Variants in P2RY2 observed in about 807,000 individuals in gnomAD.
P2RY2 encodes the protein purinergic receptor P2Y2, also known as P2Y purinoceptor 2.
For missense variants in P2RY2, 567 were observed against 515.7 expected (o/e 1.10, Z -0.96); for synonymous variants, 241 against 231.9 (o/e 1.04, Z -0.35).
At position 73,235,094 on chromosome 11, in the gene P2RY2, G is replaced by A; in HGVS notation, c.935G>A (p.Arg312Lys). The change falls in exon 3 of 3, where the codon AGG becomes AAG. Residue 312 changes from arginine (R) to lysine (K), a missense_variant. Transcript: ENST00000393597. ...GTGCTCTACTTCCTGGCTGGGCAGA[G>A]GCTCGTACGCTTTGCCCGAGATGCC... ...DPVLYFLAGQ[R>K]LVRFARDAKP... 2 of 1,607,632 alleles carry A rather than the reference G, an allele frequency of 1.2e-6. No homozygotes were observed. The highest frequency in any genetic ancestry group is 1.7e-6 in the Non-Finnish European group (2 of 1,179,030).
intron 2 of P2RY2, among the ~76,000 whole-genome samples, chr11:73,233,285 A>G (rs7934507): frequency 0.012 from 1,847 of 152,342 alleles, 32 homozygotes; most frequent in African/African-American, 0.042. Context: ...AGGAAGATGT[A>G]AAAAGTGAAG....
At position 73,234,328 on chromosome 11, in the gene P2RY2, ATCT is replaced by A; in HGVS notation, c.174_176del (p.Phe58del). Reference sequence around the variant, plus strand: ...GTGTCTGAACGCCGTGGCGCTCTACATCTTCTTGTGCCGCCTCAAGACCTGGAA... The same window carrying A: ...GTGTCTGAACGCCGTGGCGCTCTACATCTTGTGCCGCCTCAAGACCTGGAA... On this transcript the variant is annotated inframe_deletion, in exon 3 of 3. Coordinates refer to ENST00000393597, the MANE Select transcript of P2RY2 (RefSeq NM_002564.4). The A allele has an allele frequency of 6.2e-7, 1 of 1,613,786 alleles. No homozygotes were observed. Among genetic ancestry groups the A allele is most frequent in the Non-Finnish European group, 8.5e-7 (1 of 1,179,784 alleles).
rs1862674837 is a variant in P2RY2, at chr11:73,237,202, C to T, written c.*1909C>T. Reference sequence around the variant, plus strand: ...ATAGTGTGAGCTATTCACCTCTCACCTTCTAGGTTCTATACTTCTGTTAAT... The same window carrying T: ...ATAGTGTGAGCTATTCACCTCTCACTTTCTAGGTTCTATACTTCTGTTAAT... On this transcript the variant is annotated 3_prime_UTR_variant, in exon 3 of 3. Coordinates refer to ENST00000393597, the MANE Select transcript of P2RY2 (RefSeq NM_002564.4). 1.4e-6 allele frequency: 1 copy of T among 719,768 alleles called. No homozygotes were observed. Among genetic ancestry groups the T allele is most frequent in the Non-Finnish European group, 1.7e-6 (1 of 587,474 alleles). The allele number at this position is 719,768 out of a possible 1,614,324, so 44.6% of individuals were successfully genotyped here. A position where few individuals can be genotyped will look rare whatever the true frequency, so the allele number is the denominator to read the frequency against.
At position 73,223,500 on chromosome 11, in the gene P2RY2, C is replaced by T. The variant is rs944050830; in HGVS notation, c.-199-4481C>T. ...ATTAGGACAGTTCATGATTTGCTAGCGCCAAGGTGCACCCACCTGCCCCCT... is the reference window on the plus strand; with the variant it reads ...ATTAGGACAGTTCATGATTTGCTAGTGCCAAGGTGCACCCACCTGCCCCCT... On this transcript the variant is annotated intron_variant, in intron 1 of 2. Transcript: ENST00000393597. 1.7e-3 allele frequency among the ~76,000 whole-genome samples: 252 copies of T among 152,246 alleles called. 3 individuals are homozygous for T. The highest frequency in any genetic ancestry group is 1.5e-3 in the South Asian group (7 of 4,818).
intron 1 of P2RY2, 54 bp from the exon 2 acceptor site, chr11:73,227,927 G>C (rs1862326220): frequency 6.6e-6 from 1 of 152,180 alleles, no homozygotes; most frequent in African/African-American, 2.4e-5. Flanking sequence ...GATTGACCTG[G>C]GTAGGTTTCC....
chr11:73,228,636 T>A (rs1434212161), intron 2 of P2RY2, among the ~76,000 whole-genome samples: 1 of 151,790 alleles, frequency 6.6e-6, no homozygotes, highest in Non-Finnish European at 1.5e-5. Context: ...AAAGGCAGAG[T>A]CTCCTGGGCT....
At chr11:73,223,833 G>A (rs563203433) in intron 1 of P2RY2, among the ~76,000 whole-genome samples, 2 of 152,310 alleles carry the variant, frequency 1.3e-5, no homozygotes, top group African/African-American at 2.4e-5. Flanking sequence ...GCTCTATGTT[G>A]GGGGTGAGGT....
Position 73,236,396 on chromosome 11 carries a change from C to A in P2RY2, c.*1103C>A. ...TTGGTTCTTGCAAGCAGGTACAAGT[C>A]ACTCTAGCACACCACTGGATAATGC... On this transcript the variant is annotated 3_prime_UTR_variant, in exon 3 of 3. Transcript: ENST00000393597. 1 of 357,220 alleles carries A rather than the reference C, an allele frequency of 2.8e-6. No homozygotes were observed. Among genetic ancestry groups the A allele is most frequent in the Non-Finnish European group, 4.1e-6 (1 of 244,166 alleles). 22.1% of individuals were successfully genotyped at this position (357,220 alleles called of 1,614,324 possible). A position where few individuals can be genotyped will look rare whatever the true frequency, so the allele number is the denominator to read the frequency against.
At chr11:73,224,019 C>T (rs550345036) in intron 1 of P2RY2, among the ~76,000 whole-genome samples, 1 of 152,156 alleles carries the variant, frequency 6.6e-6, no homozygotes, top group South Asian at 2.1e-4. Flanking sequence ...TAGGGGGGTC[C>T]CAAAGAGGGA....
intron 1 of P2RY2, among the ~76,000 whole-genome samples, chr11:73,226,346 G>C (rs1333113585): frequency 6.6e-6 from 1 of 152,140 alleles, no homozygotes; most frequent in Non-Finnish European, 1.5e-5. Flanking sequence ...GTGTGCACCT[G>C]GGTGCAGCAG....
At chr11:73,226,159 G>T (rs749062368) in intron 1 of P2RY2, among the ~76,000 whole-genome samples, 2 of 152,190 alleles carry the variant, frequency 1.3e-5, no homozygotes, top group African/African-American at 2.4e-5. Flanking sequence ...ACAGGGCTTG[G>T]TGAGTGGTGG....
rs1360794482 is a variant in P2RY2, at chr11:73,240,056, T to A, written c.*4763T>A. The A allele has an allele frequency of 6.6e-6, 1 of 151,974 alleles. No homozygotes were observed. The highest frequency in any genetic ancestry group is 2.4e-5 in the African/African-American group (1 of 41,304). The allele number at this position is 151,974 out of a possible 1,614,324, so 9.4% of individuals were successfully genotyped here. On this transcript the variant is annotated 3_prime_UTR_variant, in exon 3 of 3. Transcript: ENST00000393597. ...TGATGCACTGTGCAACTTGGGGGAG[T>A]CACTGTCCCTCTCTGGGCCTCGCTT...
chr11:73,223,605 G>C (rs756504081), intron 1 of P2RY2, among the ~76,000 whole-genome samples: 6 of 152,228 alleles, frequency 3.9e-5, no homozygotes, highest in Non-Finnish European at 5.9e-5. Context: ...CTCTGAGAAG[G>C]GGGGCTGACT....
chr11:73,225,226 A>C lies in P2RY2; in HGVS notation c.-199-2755A>C, dbSNP rs149924045. Among the ~76,000 whole-genome samples, 1,507 of 152,284 alleles carry C rather than the reference A, an allele frequency of 9.9e-3. 19 individuals are homozygous for C. The highest frequency in any genetic ancestry group is 0.035 in the African/African-American group (1,451 of 41,542). On this transcript the variant is annotated intron_variant, in intron 1 of 2. Transcript: ENST00000393597. ...TGGAATGTCATCCAACCACCCTGGA[A>C]ATTCTGCAGTGGCCTGGGAGCTGCC...
chr11:73,234,862 G>A lies in P2RY2; in HGVS notation c.703G>A (p.Gly235Ser), dbSNP rs201094762. The A allele has an allele frequency of 5.6e-6, 9 of 1,610,354 alleles. No homozygotes were observed. Among genetic ancestry groups the A allele is most frequent in the Non-Finnish European group, 7.6e-6 (9 of 1,179,978 alleles). Residue 235 changes from glycine to serine, a missense_variant, in exon 3 of 3, where the codon GGC (glycine) becomes AGC (serine). Gly to Ser is a moderately conservative substitution (Grantham distance 56). Transcript: ENST00000393597. ...LLKPAYGTSGGLPRAKRKSVR... is the reference protein window; with the variant it reads ...LLKPAYGTSGSLPRAKRKSVR... ...AAAGCCAGCCTACGGGACCTCGGGC[G>A]GCCTGCCTAGGGCCAAGCGCAAGTC...
rs1862701450 is a variant in P2RY2 at position 73,238,292 on chromosome 11, T to C, written c.*2999T>C. ...AGTTGAGTGTCAGGGAGTAAATGTC[T>C]GCTGATGTGCCTGCAGCAGCTGTTC... On this transcript the variant is annotated 3_prime_UTR_variant, in exon 3 of 3. Coordinates refer to ENST00000393597, the MANE Select transcript of P2RY2 (RefSeq NM_002564.4). 6.6e-6 allele frequency among the ~76,000 whole-genome samples: 1 copy of C among 152,138 alleles called. No homozygotes were observed. The highest frequency in any genetic ancestry group is 2.1e-4 in the South Asian group (1 of 4,830).
At chr11:73,226,682 C>G (rs1315747345) in intron 1 of P2RY2, among the ~76,000 whole-genome samples, 1 of 152,168 alleles carries the variant, frequency 6.6e-6, no homozygotes, top group Non-Finnish European at 1.5e-5. Flanking sequence ...TTCTATTTCT[C>G]CTGTGAGGTA....
intron 1 of P2RY2, among the ~76,000 whole-genome samples, chr11:73,219,572 C>T (rs507126): frequency 0.095 from 14,424 of 152,208 alleles, 957 homozygotes; most frequent in African/African-American, 0.19. Context: ...CTGGAAGGAG[C>T]CTCCCAGAAC....
At chr11:73,229,862 G>A (rs1294873728) in intron 2 of P2RY2, among the ~76,000 whole-genome samples, 1 of 152,076 alleles carries the variant, frequency 6.6e-6, no homozygotes, top group Non-Finnish European at 1.5e-5. Context: ...GGGAGACTGG[G>A]TGTGTGTGTC....
Sources: allele counts gnomAD v4.1 joint callset (sites outside exome capture counted in the v4.1 genomes callset), GRCh38; gene constraint gnomAD v4.1.1; transcripts MANE v1.5; gene names NCBI Gene and HGNC (gene_info 2026-07-23, HGNC 2026-07-21).